Variants in SNX29 observed in about 807,000 individuals in gnomAD.
SNX29 encodes sorting nexin 29, also known as sorting nexin-29.
A neutral mutation model predicts 102.1 loss-of-function variants in SNX29; 78 were observed. That is an observed-to-expected ratio of 0.76 (90% CI 0.64 to 0.92). The LOEUF (loss-of-function observed/expected upper bound fraction) is 0.92. SNX29 is among the 40% of genes least tolerant of loss of function. SNX29 has a pLI of 0.00. For synonymous variants in SNX29, 580 were observed against 414.5 expected, an observed-to-expected ratio of 1.40 and a Z score of -4.85; for missense variants, 1,280 against 1,061.7, an observed-to-expected ratio of 1.21 and a Z score of -2.86.
chr16:11,984,302 G>T (rs1445059701), intron 1 of SNX29, among the ~76,000 whole-genome samples: 1 of 151,256 alleles, frequency 6.6e-6, no homozygotes. Context: ...GGAGGTTGAG[G>T]CTACAGTGAG....
At chr16:12,295,233 G>T (rs373932004) in intron 15 of SNX29, among the ~76,000 whole-genome samples, 1 of 152,038 alleles carries the variant, frequency 6.6e-6, no homozygotes, top group East Asian at 1.9e-4. Flanking sequence ...ACTTCTACTC[G>T]TCCCAGGGTT....
At chr16:11,987,976 C>G (rs1015868022) in intron 1 of SNX29, among the ~76,000 whole-genome samples, 1 of 152,136 alleles carries the variant, frequency 6.6e-6, no homozygotes, top group African/African-American at 2.4e-5. Flanking sequence ...ATAGCTTTAC[C>G]AGCATTGGGG....
chr16:12,333,650 C>T (rs1464312708), intron 15 of SNX29, among the ~76,000 whole-genome samples: 2 of 151,970 alleles, frequency 1.3e-5, no homozygotes, highest in Non-Finnish European at 2.9e-5. Flanking sequence ...TTTCCTCTTC[C>T]CCAGGGCTCC....
At chr16:12,145,490 T>G (rs1440840326) in intron 13 of SNX29, among the ~76,000 whole-genome samples, 2 of 152,196 alleles carry the variant, frequency 1.3e-5, no homozygotes, top group Non-Finnish European at 2.9e-5. Context: ...TTCCCTTAAG[T>G]TAGGGTATTT....
chr16:12,344,169 G>A (rs1277992074), intron 15 of SNX29, among the ~76,000 whole-genome samples: 2 of 152,202 alleles, frequency 1.3e-5, no homozygotes, highest in African/African-American at 2.4e-5. Context: ...TGGAACTTGT[G>A]AGTCCATTAA....
chr16:12,173,556 C>G (rs558723052), intron 13 of SNX29, among the ~76,000 whole-genome samples: 1 of 152,320 alleles, frequency 6.6e-6, no homozygotes, highest in South Asian at 2.1e-4. Flanking sequence ...GCTCCAAATT[C>G]TAGCTCTCTC....
chr16:12,568,634 G>T lies in SNX29; in HGVS notation c.*5G>T, dbSNP rs373373575. The T allele has an allele frequency of 1.9e-6, 3 of 1,601,750 alleles. No individual in the cohort carries two copies. Among genetic ancestry groups the T allele is most frequent in the Non-Finnish European group, 1.7e-6 (2 of 1,179,700 alleles). ...CCCCAGAGCGGTGACCTCTGACCTC[G>T]ACAAAACCGCAGCCACGGGCCCTGT... On this transcript the variant is annotated 3_prime_UTR_variant, in exon 21 of 21. Coordinates refer to ENST00000566228, the MANE Select transcript of SNX29 (RefSeq NM_032167.5).
intron 20 of SNX29, among the ~76,000 whole-genome samples, chr16:12,554,570 G>A (rs528032624): frequency 6.6e-6 from 1 of 152,178 alleles, no homozygotes; most frequent in Non-Finnish European, 1.5e-5. Context: ...ATTTCTTAAA[G>A]CTGACACCAA....
At chr16:12,543,562 C>A (rs142019119) in intron 20 of SNX29, among the ~76,000 whole-genome samples, 1 of 152,206 alleles carries the variant, frequency 6.6e-6, no homozygotes, top group Admixed American at 6.5e-5. Flanking sequence ...CACTGAGCCA[C>A]GAGATCACGC....
intron 14 of SNX29, among the ~76,000 whole-genome samples, chr16:12,271,036 C>G (rs899008301): frequency 1.3e-5 from 2 of 152,082 alleles, no homozygotes; most frequent in African/African-American, 4.8e-5. Context: ...GAACGAGACT[C>G]TCAAAAAAAT....
chr16:12,543,933 C>G (rs1046247603), intron 20 of SNX29, among the ~76,000 whole-genome samples: 1 of 152,190 alleles, frequency 6.6e-6, no homozygotes, highest in Non-Finnish European at 1.5e-5. Flanking sequence ...CCGGCACCCT[C>G]TCGTTCTAAG....
chr16:12,266,636 G>A lies in SNX29; in HGVS notation c.1679-11297G>A, dbSNP rs963180741. 5.4e-5 allele frequency among the ~76,000 whole-genome samples: 8 copies of A among 147,594 alleles called. No individual in the cohort carries two copies. The East Asian group carries it at 6.0e-4, about 11-fold the overall frequency. ...GCCAAAATTTGAACCCAGAGATGGC[G>A]TGTGTCTCTGCCCACACTACTGATC... On this transcript the variant is annotated intron_variant, in intron 14 of 20. Coordinates refer to ENST00000566228, the MANE Select transcript of SNX29 (RefSeq NM_032167.5).
At chr16:12,372,621 G>T (rs1337725579) in intron 16 of SNX29, 1 of 152,188 alleles carries the variant, frequency 6.6e-6, no homozygotes, top group African/African-American at 2.4e-5. Context: ...GTAAGAAATA[G>T]AATTCTGTAG....
chr16:12,215,744 A>AT (rs1407648092), intron 14 of SNX29, among the ~76,000 whole-genome samples: 2 of 151,990 alleles, frequency 1.3e-5, no homozygotes, highest in Non-Finnish European at 2.9e-5. Context: ...TTTGTTTCTG[A>AT]TTTTGTCCTC....
At chr16:12,340,298 T>C (rs1285183310) in intron 15 of SNX29, among the ~76,000 whole-genome samples, 2 of 152,208 alleles carry the variant, frequency 1.3e-5, no homozygotes, top group Non-Finnish European at 2.9e-5. Context: ...AGAATTTCTA[T>C]TGAAGCCCAA....
intron 18 of SNX29, among the ~76,000 whole-genome samples, chr16:12,422,032 A>G (rs1232695049): frequency 6.6e-6 from 1 of 152,034 alleles, no homozygotes; most frequent in Non-Finnish European, 1.5e-5. Flanking sequence ...CATCCATAGC[A>G]TCATCACCTA....
At chr16:12,433,652 G>GAAAAAAAAAAA in intron 18 of SNX29, among the ~76,000 whole-genome samples, 1 of 37,012 alleles carries the variant, frequency 2.7e-5, no homozygotes, top group Non-Finnish European at 6.2e-5. Context: ...AAAAAAAAAG[G>GAAAAAAAAAAA]AAACTTAGCT....
chr16:12,428,554 G>C (rs2085179072), intron 18 of SNX29, among the ~76,000 whole-genome samples: 1 of 152,182 alleles, frequency 6.6e-6, no homozygotes, highest in Non-Finnish European at 1.5e-5. Context: ...CCACCACACA[G>C]ATATGATTGC....
At chr16:12,486,218 T>A (rs1007766028) in intron 19 of SNX29, among the ~76,000 whole-genome samples, 1 of 152,168 alleles carries the variant, frequency 6.6e-6, no homozygotes, top group Non-Finnish European at 1.5e-5. Context: ...CTTCCCCCGA[T>A]CACAGCAGGG....
Sources: allele counts gnomAD v4.1 joint callset (sites outside exome capture counted in the v4.1 genomes callset), GRCh38; gene constraint gnomAD v4.1.1; transcripts MANE v1.5; gene names NCBI Gene and HGNC (gene_info 2026-07-23, HGNC 2026-07-21).